The following DCT variants were observed in gnomAD, a reference collection of about 807,000 sequenced individuals.
DCT encodes the protein L-dopachrome tautomerase.
A neutral mutation model predicts 53.0 loss-of-function variants in DCT; 47 were observed. The ratio of observed to expected loss-of-function variants is 0.89; its 90% CI spans 0.70 to 1.13. DCT has a LOEUF of 1.13. Ranked by LOEUF, DCT falls within the 50% of genes most tolerant of loss-of-function variation. The pLI is 0.00. For synonymous variants in DCT, 244 were observed against 237.0 expected (o/e 1.03, Z -0.27); for missense variants, 669 against 637.4 (o/e 1.05, Z -0.53).
At chr13:94,476,504 C>T (rs1885097088) in intron 1 of DCT, among the ~76,000 whole-genome samples, 1 of 134,938 alleles carries the variant, frequency 7.4e-6, no homozygotes, top group Admixed American at 7.7e-5. Context: ...GACACAGTCT[C>T]ACTCTATTGT....
At position 94,439,996 on chromosome 13, in the gene DCT, CAA is replaced by C; in HGVS notation, c.1460_1461del (p.Phe487CysfsTer9). On this transcript the variant is annotated frameshift_variant, in exon 8 of 8. Coordinates refer to ENST00000377028, the MANE Select transcript of DCT (RefSeq NM_001922.5). LOFTEE classifies it high-confidence loss of function. ...CTATATTGAAGAAAAGCCAACAGCACAAAAAGACCAACCAAAGCCACCAGTGT... is the reference window on the plus strand; with the variant it reads ...CTATATTGAAGAAAAGCCAACAGCACAAAGACCAACCAAAGCCACCAGTGT... ...MGTLVALVGL[F>X]VLLAFLQYRR... The C allele has an allele frequency of 6.2e-7, 1 of 1,614,014 alleles. No homozygotes were observed. The highest frequency in any genetic ancestry group is 8.5e-7 in the Non-Finnish European group (1 of 1,179,924).
the DCT span, among the ~76,000 whole-genome samples, chr13:94,502,182 C>T: frequency 6.0e-4 from 19 of 31,864 alleles, no homozygotes; most frequent in Non-Finnish European, 6.3e-4. Flanking sequence ...TTCCATAGCC[C>T]CAGCCCCTAC....
At chr13:94,519,567 G>T in the DCT span, among the ~76,000 whole-genome samples, 8 of 152,218 alleles carry the variant, frequency 5.3e-5, no homozygotes, top group Admixed American at 3.3e-4. Context: ...CATGGCCACT[G>T]TAAAGTTATA....
chr13:94,484,524 A>G (rs181227538), upstream of DCT, among the ~76,000 whole-genome samples: 142 of 152,344 alleles, frequency 9.3e-4, no homozygotes, highest in South Asian at 2.1e-4. Context: ...AATGCCATAG[A>G]GTAGATGGCT....
At chr13:94,497,459 T>C in the DCT span, among the ~76,000 whole-genome samples, 1 of 152,088 alleles carries the variant, frequency 6.6e-6, no homozygotes, top group African/African-American at 2.4e-5. Context: ...AGCTTTTAAC[T>C]CCCCCAAAAC....
the DCT span, among the ~76,000 whole-genome samples, chr13:94,547,486 G>A: frequency 1.3e-5 from 2 of 151,978 alleles, no homozygotes; most frequent in African/African-American, 4.8e-5. Flanking sequence ...TCTGCCTTAT[G>A]CCCTTCAGTC....
chr13:94,513,982 T>G, the DCT span, among the ~76,000 whole-genome samples: 627 of 95,666 alleles, frequency 6.6e-3, 7 homozygotes, highest in African/African-American at 0.029. Context: ...AGCAAAACTC[T>G]GTCTCAAAAA....
At chr13:94,497,680 A>T in the DCT span, among the ~76,000 whole-genome samples, 1 of 152,148 alleles carries the variant, frequency 6.6e-6, no homozygotes, top group African/African-American at 2.4e-5. Context: ...TCATCTTTGC[A>T]TTGAGTAGGC....
chr13:94,441,591 C>A (rs1029264996), intron 7 of DCT, among the ~76,000 whole-genome samples: 1 of 152,172 alleles, frequency 6.6e-6, no homozygotes, highest in African/African-American at 2.4e-5. Context: ...TAAGTGGAGT[C>A]ATGCAGTATT....
At chr13:94,517,783 C>T in the DCT span, among the ~76,000 whole-genome samples, 1 of 152,072 alleles carries the variant, frequency 6.6e-6, no homozygotes, top group Admixed American at 6.5e-5. Flanking sequence ...ATGATGCAAC[C>T]ACAAGCCAAA....
At chr13:94,472,593 T>C (rs1884816892) in intron 1 of DCT, among the ~76,000 whole-genome samples, 1 of 91,830 alleles carries the variant, frequency 1.1e-5, no homozygotes, top group African/African-American at 4.0e-5. Flanking sequence ...TTTTTTTTTT[T>C]TTTTTGTCAA....
intron 7 of DCT, 109 bp downstream of exon 7, chr13:94,443,327 C>G: frequency 1.1e-6 from 1 of 887,096 alleles, no homozygotes; most frequent in Non-Finnish European, 1.8e-6. Flanking sequence ...TTAACTAGAC[C>G]TGAAAGCTTC....
intron 6 of DCT, among the ~76,000 whole-genome samples, chr13:94,448,778 C>A (rs1451841161): frequency 1.3e-5 from 2 of 151,940 alleles, no homozygotes; most frequent in African/African-American, 2.4e-5. Context: ...GTGGCGTGCA[C>A]CTGTGATCCC....
the DCT span, among the ~76,000 whole-genome samples, chr13:94,500,443 A>T: frequency 6.6e-6 from 1 of 152,150 alleles, no homozygotes; most frequent in Non-Finnish European, 1.5e-5. Context: ...ATTATCTCCC[A>T]CCTGGTCCCT....
rs1322514949 is a variant in DCT at position 94,444,305 on chromosome 13, A to T, written c.1180-668T>A. The T allele has an allele frequency of 3.7e-5, 16 of 431,786 alleles. No individual in the cohort carries two copies. The East Asian group carries it at 9.1e-4, about 25-fold the overall frequency. The allele number at this position is 431,786 out of a possible 1,614,324, so 26.7% of individuals were successfully genotyped here. A position where few individuals can be genotyped will look rare whatever the true frequency, so the allele number is the denominator to read the frequency against. ...ACTTCTGGTCCCAAGCATTTCAGAT[A>T]AGTGATACTCAATCTGTATCAATAT... On this transcript the variant is annotated intron_variant, in intron 6 of 7. Transcript: ENST00000377028.
intron 1 of DCT, among the ~76,000 whole-genome samples, chr13:94,478,310 C>T (rs992103560): frequency 1.3e-5 from 2 of 151,976 alleles, no homozygotes; most frequent in Admixed American, 6.6e-5. Flanking sequence ...GGTGAAACCC[C>T]GTCTCGAAAT....
chr13:94,450,031 C>T (rs187364917), intron 6 of DCT, among the ~76,000 whole-genome samples: 82 of 152,232 alleles, frequency 5.4e-4, no homozygotes, highest in Middle Eastern at 3.4e-3. Flanking sequence ...GAAATGGGGC[C>T]TTTGGGAAAT....
chr13:94,521,399 G>A, the DCT span, among the ~76,000 whole-genome samples: 1 of 152,216 alleles, frequency 6.6e-6, no homozygotes, highest in South Asian at 2.1e-4. Context: ...GGCCGGGCAC[G>A]GTGGCTCACG....
upstream of DCT, among the ~76,000 whole-genome samples, chr13:94,484,544 G>A (rs769407032): frequency 2.6e-5 from 4 of 152,148 alleles, no homozygotes; most frequent in Non-Finnish European, 4.4e-5. Context: ...TTAAACAACA[G>A]AAATGTACTT....
Sources: gnomAD v4.1 joint callset for allele counts (sites outside exome capture counted in the v4.1 genomes callset) on GRCh38, gnomAD v4.1.1 for gene constraint, MANE v1.5 for transcripts, NCBI Gene and HGNC (gene_info 2026-07-23, HGNC 2026-07-21) for gene names.